C1QTNF3: variants seen among roughly 807,000 people sequenced by gnomAD.
C1QTNF3 encodes the protein complement C1q tumor necrosis factor-related protein 3.
In C1QTNF3, 26 loss-of-function variants were observed where a neutral mutation model predicts 32.6. The ratio of observed to expected loss-of-function variants is 0.80; its 90% CI spans 0.58 to 1.11. The LOEUF is 1.11. Among genes scored for constraint, C1QTNF3 ranks in the 50% least tolerant of loss-of-function variants. The pLI is 0.00. For synonymous variants in C1QTNF3, 155 were observed against 146.0 expected (o/e 1.06, Z -0.44); for missense variants, 362 against 398.2 (o/e 0.91, Z 0.77).
At chr5:34,186,869 T>C in the C1QTNF3 span, among the ~76,000 whole-genome samples, 8 of 152,422 alleles carry the variant, frequency 5.2e-5, no homozygotes, top group Admixed American at 3.9e-4. Flanking sequence ...GTCTAAGATC[T>C]GAAGCCAGAT....
chr5:34,037,969 G>C (rs901116046), intron 1 of C1QTNF3, among the ~76,000 whole-genome samples: 8 of 152,284 alleles, frequency 5.3e-5, no homozygotes, highest in South Asian at 2.1e-4. Context: ...AGAAGGGAGG[G>C]GAAGGAGGGA....
the C1QTNF3 span, chr5:34,218,182 T>C: frequency 1.3e-5 from 2 of 152,564 alleles, no homozygotes; most frequent in Non-Finnish European, 2.9e-5. Context: ...TATTTATTGT[T>C]TTATAGTTTG....
chr5:34,024,010 T>C lies in C1QTNF3; in HGVS notation c.701-2A>G. 1.2e-6 allele frequency: 2 copies of C among 1,612,768 alleles called. No individual in the cohort carries two copies. Among genetic ancestry groups the C allele is most frequent in the Non-Finnish European group, 1.7e-6 (2 of 1,179,054 alleles). On this transcript the variant is annotated splice_acceptor_variant, in intron 4 of 5. Coordinates refer to ENST00000382065, the MANE Select transcript of C1QTNF3 (RefSeq NM_181435.6). LOFTEE classifies it high-confidence loss of function. ...TGCTGAAGGTGAAGAAATACACACC[T>C]GAAAAAAGCAGGTATATATCCATGT... is the stretch of plus-strand genomic sequence containing the variant.
At chr5:34,043,280 A>T (rs1754920140), upstream of C1QTNF3, 2 of 708,324 alleles carry the variant, frequency 2.8e-6, no homozygotes, top group South Asian at 3.8e-5. Context: ...GGCATGCCAG[A>T]GTGACAGCAG....
chr5:34,232,692 C>T, the C1QTNF3 span, among the ~76,000 whole-genome samples: 1 of 151,212 alleles, frequency 6.6e-6, no homozygotes, highest in Admixed American at 6.6e-5. Flanking sequence ...CTGAGTCCTC[C>T]CATTCATGCT....
chr5:34,052,613 G>A, the C1QTNF3 span, among the ~76,000 whole-genome samples: 49 of 152,202 alleles, frequency 3.2e-4, no homozygotes, highest in African/African-American at 1.2e-3. Context: ...TTAGTAGGAT[G>A]AGGCTCATGA....
chr5:34,091,404 T>C, the C1QTNF3 span, among the ~76,000 whole-genome samples: 1 of 152,288 alleles, frequency 6.6e-6, no homozygotes, highest in Non-Finnish European at 1.5e-5. Flanking sequence ...CCTCTTTGCC[T>C]GGACCACCAC....
chr5:34,145,678 C>CAA, the C1QTNF3 span, among the ~76,000 whole-genome samples: 18 of 96,892 alleles, frequency 1.9e-4, no homozygotes, highest in South Asian at 3.4e-4. Context: ...AGAGACACAG[C>CAA]AAAAAAAAAA....
the C1QTNF3 span, among the ~76,000 whole-genome samples, chr5:34,203,711 G>C: frequency 6.6e-6 from 1 of 151,300 alleles, no homozygotes; most frequent in Non-Finnish European, 1.5e-5. Flanking sequence ...AAGAAAGGTA[G>C]ATTGATGGAA....
At chr5:34,127,818 T>C in the C1QTNF3 span, among the ~76,000 whole-genome samples, 4 of 151,602 alleles carry the variant, frequency 2.6e-5, no homozygotes, top group Admixed American at 2.6e-4. Context: ...TTGGAATTTA[T>C]GTTTAAAAGG....
chr5:34,076,997 G>A, the C1QTNF3 span, among the ~76,000 whole-genome samples: 1 of 151,658 alleles, frequency 6.6e-6, no homozygotes, highest in Non-Finnish European at 1.5e-5. Context: ...GCTGGCAATG[G>A]GGTCATGCAA....
the C1QTNF3 span, among the ~76,000 whole-genome samples, chr5:34,116,664 G>A: frequency 4.0e-5 from 6 of 150,992 alleles, no homozygotes; most frequent in East Asian, 9.7e-4. Context: ...ATGCTATCTC[G>A]GCTCACTGCA....
the C1QTNF3 span, among the ~76,000 whole-genome samples, chr5:34,053,263 C>G: frequency 2.0e-5 from 3 of 152,190 alleles, no homozygotes; most frequent in Non-Finnish European, 4.4e-5. Flanking sequence ...AATGTTTCCA[C>G]ATGAGTAATG....
At chr5:34,033,845 T>C (rs1229618211) in intron 2 of C1QTNF3, among the ~76,000 whole-genome samples, 3 of 152,258 alleles carry the variant, frequency 2.0e-5, no homozygotes, top group African/African-American at 7.2e-5. Flanking sequence ...GATATAGTGA[T>C]ATTCATGATA....
intron 3 of C1QTNF3, 39 bp downstream of exon 3, chr5:34,033,265 G>GT (rs1754661003): frequency 6.2e-7 from 1 of 1,603,974 alleles, no homozygotes; most frequent in Non-Finnish European, 8.5e-7. Flanking sequence ...GGTCAGGCAG[G>GT]TTGGAAAGCC....
At chr5:34,230,531 T>C in the C1QTNF3 span, among the ~76,000 whole-genome samples, 1 of 152,228 alleles carries the variant, frequency 6.6e-6, no homozygotes, top group South Asian at 2.1e-4. Context: ...AATTTTACCA[T>C]ATAACTTGAT....
chr5:34,102,887 C>T, the C1QTNF3 span, among the ~76,000 whole-genome samples: 6 of 152,276 alleles, frequency 3.9e-5, no homozygotes, highest in East Asian at 1.9e-4. Context: ...ATGTAAATGA[C>T]GGGTTAATGG....
At chr5:34,044,647 T>C (rs1444034704), upstream of C1QTNF3, among the ~76,000 whole-genome samples, 13 of 152,094 alleles carry the variant, frequency 8.5e-5, no homozygotes, top group Admixed American at 8.5e-4. Flanking sequence ...CACTTATACA[T>C]GGAAAGGGTT....
chr5:34,046,198 A>G (rs1362070971), upstream of C1QTNF3, among the ~76,000 whole-genome samples: 1 of 152,216 alleles, frequency 6.6e-6, no homozygotes, highest in Non-Finnish European at 1.5e-5. Context: ...TTTGCTTTAT[A>G]TCTGTGTTTG....
Sources: allele counts gnomAD v4.1 joint callset (sites outside exome capture counted in the v4.1 genomes callset), GRCh38; gene constraint gnomAD v4.1.1; transcripts MANE v1.5; gene names NCBI Gene and HGNC (gene_info 2026-07-23, HGNC 2026-07-21).